Variants in FGF14 observed in about 807,000 individuals in gnomAD.
The protein encoded by FGF14 is fibroblast growth factor 14, also known as fibroblast growth factor homologous factor 4.
Under a neutral mutation model 25.5 loss-of-function variants are expected in FGF14, and 5 were observed. The observed-to-expected ratio is 0.20, with a 90% CI of 0.10 to 0.41. The LOEUF (loss-of-function observed/expected upper bound fraction) is 0.41. Among genes scored for constraint, FGF14 ranks in the 10% least tolerant of loss-of-function variants. FGF14 has a pLI of 1.00. For synonymous variants in FGF14, 138 were observed against 118.3 expected, an observed-to-expected ratio of 1.17 and a Z score of -1.08; for missense variants, 222 against 320.1, an observed-to-expected ratio of 0.69 and a Z score of 2.34.
At chr13:102,246,040 TTA>T (rs1392385527) in intron 1 of FGF14, among the ~76,000 whole-genome samples, 2 of 152,016 alleles carry the variant, frequency 1.3e-5, no homozygotes, top group East Asian at 3.9e-4. Context: ...CTAAAACAGA[TTA>T]TGTGATAGGT....
intron 3 of FGF14, among the ~76,000 whole-genome samples, chr13:101,867,025 G>A (rs1594538745): frequency 6.6e-6 from 1 of 152,254 alleles, no homozygotes; most frequent in East Asian, 1.9e-4. Context: ...AAGGAAGAAG[G>A]GAGAGGAGAG....
intron 1 of FGF14, among the ~76,000 whole-genome samples, chr13:102,237,585 G>GAA (rs3066871): frequency 0.5 from 68,106 of 135,338 alleles, 18,144 homozygotes; most frequent in African/African-American, 0.73. Flanking sequence ...TTACACTTCA[G>GAA]AAAAAAAAAA....
At chr13:102,072,850 G>A (rs184748830) in intron 1 of FGF14, among the ~76,000 whole-genome samples, 1 of 152,210 alleles carries the variant, frequency 6.6e-6, no homozygotes, top group African/African-American at 2.4e-5. Context: ...CTGGAGGAGG[G>A]CTAGTAATAT....
At chr13:101,912,366 C>T (rs1021234556) in intron 1 of FGF14, among the ~76,000 whole-genome samples, 16 of 152,096 alleles carry the variant, frequency 1.1e-4, no homozygotes, top group African/African-American at 3.9e-4. Context: ...TCTCAAGAAA[C>T]AACTGCATTA....
intron 1 of FGF14, among the ~76,000 whole-genome samples, chr13:102,354,770 T>G (rs1435508947): frequency 6.6e-6 from 1 of 152,210 alleles, no homozygotes; most frequent in Non-Finnish European, 1.5e-5. Flanking sequence ...TCAATATTGT[T>G]GAAAGAATCA....
intron 1 of FGF14, among the ~76,000 whole-genome samples, chr13:102,362,107 T>A (rs1325401592): frequency 6.6e-6 from 1 of 152,182 alleles, no homozygotes; most frequent in African/African-American, 2.4e-5. Context: ...CAGAAACTGA[T>A]GTGATCTGTT....
intron 3 of FGF14, among the ~76,000 whole-genome samples, chr13:101,827,532 T>A (rs1231242116): frequency 6.6e-6 from 1 of 151,862 alleles, no homozygotes. Context: ...ACTTATTTAC[T>A]TCAAGAAAGA....
At chr13:102,085,142 T>C (rs1001262595) in intron 1 of FGF14, among the ~76,000 whole-genome samples, 1 of 152,218 alleles carries the variant, frequency 6.6e-6, no homozygotes, top group African/African-American at 2.4e-5. Context: ...ATACACGCTC[T>C]ACATACTTTT....
intron 3 of FGF14, among the ~76,000 whole-genome samples, chr13:101,828,472 CTTTTT>C (rs59346051): frequency 2.1e-5 from 3 of 141,122 alleles, no homozygotes; most frequent in Admixed American, 7.1e-5. Flanking sequence ...AAATAAAAGA[CTTTTT>C]TTTTTTTTTG....
At chr13:101,771,877 CA>C (rs932021895) in intron 3 of FGF14, among the ~76,000 whole-genome samples, 3 of 151,858 alleles carry the variant, frequency 2.0e-5, no homozygotes, top group African/African-American at 7.3e-5. Context: ...AGAGTTTAGA[CA>C]AACTCTCAAG....
intron 1 of FGF14, among the ~76,000 whole-genome samples, chr13:101,986,433 A>G (rs967957957): frequency 1.3e-5 from 2 of 152,132 alleles, no homozygotes; most frequent in Non-Finnish European, 1.5e-5. Context: ...ATATCTCTCC[A>G]TTAACATTTC....
In FGF14 at chr13:101,713,909, T is replaced by G. The variant is rs2034594350; in HGVS notation, c.*8922A>C. On this transcript the variant is annotated 3_prime_UTR_variant, in exon 5 of 5. Transcript: ENST00000376143. Reference sequence around the variant, plus strand: ...AAGGCAAATATACTGAGTGACTGTATGCATTTTTAGCACTTTAATTAGCCA... The same window carrying G: ...AAGGCAAATATACTGAGTGACTGTAGGCATTTTTAGCACTTTAATTAGCCA... The G allele has an allele frequency of 6.5e-6, 1 of 152,972 alleles. No homozygotes were observed. Among genetic ancestry groups the G allele is most frequent in the African/African-American group, 2.4e-5 (1 of 41,444 alleles). The allele number at this position is 152,972 out of a possible 1,614,324, so 9.5% of individuals were successfully genotyped here. A position where few individuals can be genotyped will look rare whatever the true frequency, so the allele number is the denominator to read the frequency against.
At chr13:101,871,987 G>A (rs2045118694) in intron 2 of FGF14, among the ~76,000 whole-genome samples, 1 of 151,812 alleles carries the variant, frequency 6.6e-6, no homozygotes, top group Non-Finnish European at 1.5e-5. Context: ...GCCTACCAGT[G>A]GGCCTTTTTC....
At chr13:102,125,399 A>G (rs1365300370) in intron 1 of FGF14, among the ~76,000 whole-genome samples, 1 of 152,208 alleles carries the variant, frequency 6.6e-6, no homozygotes, top group Admixed American at 6.5e-5. Flanking sequence ...AACCATTGTT[A>G]ACATTCTGCT....
chr13:102,320,412 G>T (rs1038276980), intron 1 of FGF14, among the ~76,000 whole-genome samples: 1 of 152,116 alleles, frequency 6.6e-6, no homozygotes, highest in Non-Finnish European at 1.5e-5. Flanking sequence ...CACCTCCCTG[G>T]CATGCATTCA....
At chr13:101,916,348 G>C in intron 1 of FGF14, 105 bp downstream of exon 1, 1 of 1,390,908 alleles carries the variant, frequency 7.2e-7, no homozygotes, top group Non-Finnish European at 1.0e-6. Context: ...GGCCGGGGCC[G>C]GGGTGGGCCG....
intron 1 of FGF14, among the ~76,000 whole-genome samples, chr13:102,020,508 T>C (rs1198129519): frequency 6.6e-6 from 1 of 151,616 alleles, no homozygotes; most frequent in African/African-American, 2.4e-5. Flanking sequence ...AGATCACGCA[T>C]TGCACTCCAG....
intron 1 of FGF14, among the ~76,000 whole-genome samples, chr13:102,147,469 C>T (rs1230352076): frequency 1.3e-5 from 2 of 152,186 alleles, no homozygotes; most frequent in African/African-American, 4.8e-5. Flanking sequence ...AGCATGCCTA[C>T]TTTCCAAGAG....
chr13:102,212,266 A>T (rs191865071), intron 1 of FGF14, among the ~76,000 whole-genome samples: 2 of 152,328 alleles, frequency 1.3e-5, no homozygotes, highest in African/African-American at 4.8e-5. Context: ...GAACTAAGGT[A>T]GGTCAACCTG....
Sources: gnomAD v4.1 joint callset for allele counts (sites outside exome capture counted in the v4.1 genomes callset) on GRCh38, gnomAD v4.1.1 for gene constraint, MANE v1.5 for transcripts, NCBI Gene and HGNC (gene_info 2026-07-23, HGNC 2026-07-21) for gene names.